Variants in NDUFA10 observed in about 807,000 individuals in gnomAD.
NDUFA10 encodes the protein NADH dehydrogenase [ubiquinone] 1 alpha subcomplex subunit 10, mitochondrial.
Under a neutral mutation model 47.8 loss-of-function variants are expected in NDUFA10, and 40 were observed. The ratio of observed to expected loss-of-function variants is 0.84; its 90% CI spans 0.65 to 1.09. The LOEUF is 1.09. Among genes scored for constraint, NDUFA10 ranks in the 50% least tolerant of loss-of-function variants. NDUFA10 has a pLI of 0.00. For synonymous variants in NDUFA10, 183 were observed against 172.2 expected, an observed-to-expected ratio of 1.06 and a Z score of -0.49; for missense variants, 413 against 451.1, an observed-to-expected ratio of 0.92 and a Z score of 0.76.
intron 9 of NDUFA10, among the ~76,000 whole-genome samples, chr2:239,963,650 C>A (rs1198212813): frequency 6.6e-6 from 1 of 152,166 alleles, no homozygotes; most frequent in South Asian, 2.1e-4. Flanking sequence ...GTGGGGGCTA[C>A]ATGGCGGGTT....
At chr2:239,993,101 C>T (rs1198711035) in intron 8 of NDUFA10, among the ~76,000 whole-genome samples, 9 of 152,122 alleles carry the variant, frequency 5.9e-5, no homozygotes, top group Admixed American at 2.6e-4. Context: ...ATTAAAACAA[C>T]GGAATGCTAT....
intron 4 of NDUFA10, among the ~76,000 whole-genome samples, chr2:239,921,172 A>G (rs974898044): frequency 6.6e-5 from 10 of 152,134 alleles, no homozygotes; most frequent in African/African-American, 2.4e-4. Context: ...CCGGGGCATG[A>G]GCCGTGTAGG....
At chr2:240,014,583 C>T (rs1190021874) in intron 5 of NDUFA10, 156 bp downstream of exon 5, 1 of 1,227,766 alleles carries the variant, frequency 8.1e-7, no homozygotes, top group Non-Finnish European at 1.2e-6. Context: ...TCCCCTCCAC[C>T]CCTGCAGATG....
chr2:239,943,155 T>C (rs577044575), intron 4 of NDUFA10: 1 of 154,566 alleles, frequency 6.5e-6, no homozygotes, highest in South Asian at 2.0e-4. Flanking sequence ...CACAGTTATC[T>C]TCCCATGTCT....
At chr2:239,999,546 A>C (rs1696622009) in intron 8 of NDUFA10, among the ~76,000 whole-genome samples, 1 of 151,830 alleles carries the variant, frequency 6.6e-6, no homozygotes, top group Non-Finnish European at 1.5e-5. Context: ...GCAGCTCTGG[A>C]CTCCAAAACC....
At chr2:239,936,286 C>T (rs555575802) in intron 4 of NDUFA10, among the ~76,000 whole-genome samples, 2 of 152,312 alleles carry the variant, frequency 1.3e-5, no homozygotes, top group Admixed American at 1.3e-4. Context: ...GGCAGGGCAG[C>T]AGGACATGGT....
intron 4 of NDUFA10, among the ~76,000 whole-genome samples, chr2:239,939,756 C>G (rs1694328083): frequency 6.6e-6 from 1 of 152,228 alleles, no homozygotes. Flanking sequence ...CTACCAGGCA[C>G]ACGGAAACAG....
intron 9 of NDUFA10, among the ~76,000 whole-genome samples, chr2:239,988,614 T>A (rs1256761142): frequency 6.6e-6 from 1 of 152,156 alleles, no homozygotes; most frequent in Non-Finnish European, 1.5e-5. Context: ...GATGGCAGCC[T>A]GGAGGTCAAC....
chr2:240,015,392 T>G (rs886189392), intron 4 of NDUFA10, among the ~76,000 whole-genome samples: 1 of 152,238 alleles, frequency 6.6e-6, no homozygotes, highest in Non-Finnish European at 1.5e-5. Context: ...TTCTTCACAG[T>G]AATAATAGAT....
At chr2:239,922,129 C>A (rs1403087889) in intron 4 of NDUFA10, among the ~76,000 whole-genome samples, 1 of 147,548 alleles carries the variant, frequency 6.8e-6, no homozygotes, top group Non-Finnish European at 1.5e-5. Flanking sequence ...ATTTTCCCCT[C>A]AATTATAAGC....
intron 4 of NDUFA10, among the ~76,000 whole-genome samples, chr2:239,895,799 A>G (rs551339034): frequency 6.6e-6 from 1 of 152,304 alleles, no homozygotes; most frequent in East Asian, 1.9e-4. Context: ...GTGCAAAACT[A>G]AACCAAGGGT....
chr2:239,901,659 C>CT (rs1361190375), intron 4 of NDUFA10, among the ~76,000 whole-genome samples: 13 of 151,866 alleles, frequency 8.6e-5, no homozygotes, highest in African/African-American at 3.1e-4. Flanking sequence ...TTTTGTAAGG[C>CT]TATAGCTGAC....
rs2106383644 is a variant in NDUFA10, at chr2:239,950,339, G to A, written c.294+39735C>T. Among the ~76,000 whole-genome samples the A allele has an allele frequency of 2.0e-5, 3 of 152,316 alleles. No individual in the cohort carries two copies. In the Middle Eastern group the frequency reaches 0.01, roughly 518 times the overall value. ...TGAGCGGGCAAGAGGTCTCCTGTGG[G>A]CATGCCTTGGCCCAAGCAGGAGGCT... On this transcript the variant is annotated intron_variant, in intron 4 of 5. Transcript: ENST00000419408.
chr2:239,999,436 CTGG>C (rs976727508), intron 8 of NDUFA10, among the ~76,000 whole-genome samples: 1 of 152,202 alleles, frequency 6.6e-6, no homozygotes, highest in Non-Finnish European at 1.5e-5. Context: ...TCAAGCACAG[CTGG>C]GTGGATGATT....
intron 4 of NDUFA10, among the ~76,000 whole-genome samples, chr2:239,896,302 G>A (rs1263293081): frequency 6.6e-6 from 1 of 152,248 alleles, no homozygotes; most frequent in Non-Finnish European, 1.5e-5. Context: ...AAAGGCAAAG[G>A]TATCAAGATT....
downstream of NDUFA10, among the ~76,000 whole-genome samples, chr2:239,955,593 C>T (rs1694637137): frequency 6.6e-6 from 1 of 152,226 alleles, no homozygotes; most frequent in Non-Finnish European, 1.5e-5. Context: ...AGGCTGAATT[C>T]AGACCCACAC....
At chr2:239,992,304 AAT>A (rs1696283394) in intron 8 of NDUFA10, among the ~76,000 whole-genome samples, 1 of 152,234 alleles carries the variant, frequency 6.6e-6, no homozygotes, top group Admixed American at 6.5e-5. Flanking sequence ...GCTTGGTTAC[AAT>A]ATGAGGTGCT....
At chr2:240,006,258 A>G (rs748028299) in intron 7 of NDUFA10, among the ~76,000 whole-genome samples, 88 of 152,378 alleles carry the variant, frequency 5.8e-4, no homozygotes, top group Non-Finnish European at 6.3e-4. Context: ...AAACAGAAAC[A>G]GAAGGCGGAG....
At chr2:240,011,731 T>C in intron 5 of NDUFA10, 35 bp from the exon 6 acceptor site, 1 of 1,531,182 alleles carries the variant, frequency 6.5e-7, no homozygotes, top group Non-Finnish European at 9.1e-7. Flanking sequence ...CTGGGAAACA[T>C]TTAGAGTTCA....
Sources: gnomAD v4.1 joint callset for allele counts (sites outside exome capture counted in the v4.1 genomes callset) on GRCh38, gnomAD v4.1.1 for gene constraint, MANE v1.5 for transcripts, NCBI Gene and HGNC (gene_info 2026-07-23, HGNC 2026-07-21) for gene names.